Variants in FAM110B observed in about 807,000 individuals in gnomAD.
FAM110B encodes the protein protein FAM110B.
In FAM110B, 6 loss-of-function variants were observed where a neutral mutation model predicts 20.4. That is an observed-to-expected ratio of 0.29 (90% CI 0.16 to 0.58). FAM110B has a LOEUF of 0.58. Ranked by LOEUF, FAM110B falls within the 20% of genes least tolerant of loss-of-function variation. The probability of loss-of-function intolerance (pLI) is 0.90; values close to 1 mark genes in which losing one functional copy is unlikely to be tolerated. For missense variants in FAM110B, 434 were observed against 498.2 expected (o/e 0.87, Z 1.23); for synonymous variants, 226 against 214.1 (o/e 1.06, Z -0.49).
intron 2 of FAM110B, chr8:58,070,472 C>G (rs1805871742): frequency 6.6e-6 from 1 of 152,206 alleles, no homozygotes; most frequent in Non-Finnish European, 1.5e-5. Flanking sequence ...TTAATCTGAT[C>G]TTGCTTTGTT....
chr8:58,064,115 A>G (rs1805714036), intron 2 of FAM110B, among the ~76,000 whole-genome samples: 2 of 152,194 alleles, frequency 1.3e-5, no homozygotes, highest in South Asian at 4.1e-4. Flanking sequence ...CTCACTGTAC[A>G]GTACCAAGGG....
chr8:58,042,285 G>A (rs1805237596), intron 2 of FAM110B, among the ~76,000 whole-genome samples: 1 of 152,228 alleles, frequency 6.6e-6, no homozygotes, highest in Non-Finnish European at 1.5e-5. Context: ...TTATTAAGCT[G>A]TTGAGTTACA....
rs1403876382 is a variant in FAM110B, at chr8:58,099,354, TA to T, written c.-325+23742del. ...AGTATAATGAAACTATTCCAAAATT[TA>T]AAAAAAAAAATCAAAATCCAAAACA... On this transcript the variant is annotated intron_variant, in intron 3 of 3. Coordinates refer to ENST00000519262, the MANE Select transcript of FAM110B (RefSeq NM_001377989.1). Among the ~76,000 whole-genome samples, 159 of 147,756 alleles carry T rather than the reference TA, an allele frequency of 1.1e-3. 2 individuals are homozygous for T. The highest frequency in any genetic ancestry group is 4.5e-3 in the South Asian group (21 of 4,688).
intron 2 of FAM110B, among the ~76,000 whole-genome samples, chr8:58,042,021 T>G (rs961694138): frequency 6.6e-6 from 1 of 152,246 alleles, no homozygotes; most frequent in African/African-American, 2.4e-5. Flanking sequence ...CAAACCTGTT[T>G]CCTCCTGTTT....
intron 3 of FAM110B, among the ~76,000 whole-genome samples, chr8:58,078,717 A>G (rs989776132): frequency 6.6e-6 from 1 of 150,732 alleles, no homozygotes; most frequent in Non-Finnish European, 1.5e-5. Context: ...CGCCCGGCTA[A>G]TTTTTTGTAT....
chr8:58,121,450 C>T (rs545728537), intron 3 of FAM110B, among the ~76,000 whole-genome samples: 2 of 152,158 alleles, frequency 1.3e-5, no homozygotes, highest in Non-Finnish European at 2.9e-5. Context: ...TTACTCTGTA[C>T]TGTACGGAAA....
At chr8:58,031,313 G>T (rs1198635837) in intron 1 of FAM110B, 1 of 152,196 alleles carries the variant, frequency 6.6e-6, no homozygotes, top group Non-Finnish European at 1.5e-5. Flanking sequence ...GGGATGTTGA[G>T]TATGAAGCAG....
chr8:58,104,889 A>G lies in FAM110B; in HGVS notation c.-325+29266A>G, dbSNP rs977513204. On this transcript the variant is annotated intron_variant, in intron 3 of 3. Coordinates refer to ENST00000519262, the MANE Select transcript of FAM110B (RefSeq NM_001377989.1). ...AATAAATGTTGAATTTTAACTGAGTAACTTTGCATCAGCCACATCGTATTA... is the reference window on the plus strand; with the variant it reads ...AATAAATGTTGAATTTTAACTGAGTGACTTTGCATCAGCCACATCGTATTA... Among the ~76,000 whole-genome samples the G allele has an allele frequency of 1.3e-5, 2 of 152,034 alleles. 1 individual carries two copies. The highest frequency in any genetic ancestry group is 2.9e-5 in the Non-Finnish European group (2 of 68,020).
chr8:58,091,387 C>G (rs57599317), intron 3 of FAM110B: 1 of 152,110 alleles, frequency 6.6e-6, no homozygotes, highest in Non-Finnish European at 1.5e-5. Flanking sequence ...TGGTCATCAC[C>G]AGGACATTTA....
intron 2 of FAM110B, among the ~76,000 whole-genome samples, chr8:58,046,247 CAATTA>C (rs1297652125): frequency 6.6e-6 from 1 of 152,076 alleles, no homozygotes; most frequent in Non-Finnish European, 1.5e-5. Context: ...ATATTTTATG[CAATTA>C]AATTGTCAAA....
intron 3 of FAM110B, among the ~76,000 whole-genome samples, chr8:58,088,075 C>T (rs757433777): frequency 1.9e-4 from 29 of 151,862 alleles, no homozygotes; most frequent in Non-Finnish European, 4.1e-4. Context: ...TAAGAGGGGC[C>T]CAGTAAATGT....
Position 58,104,752 on chromosome 8 carries a change from T to G in FAM110B, c.-325+29129T>G, listed in dbSNP as rs529458502. 2.0e-5 allele frequency among the ~76,000 whole-genome samples: 3 copies of G among 152,304 alleles called. No homozygotes were observed. The East Asian group carries it at 5.8e-4, about 29-fold the overall frequency. On this transcript the variant is annotated intron_variant, in intron 3 of 3. Coordinates refer to ENST00000519262, the MANE Select transcript of FAM110B (RefSeq NM_001377989.1). ...ACAACCAATCAGAATACAGGTACATTGCTTCAAGTACTATTTCAAAAAGTT... is the reference window on the plus strand; with the variant it reads ...ACAACCAATCAGAATACAGGTACATGGCTTCAAGTACTATTTCAAAAAGTT...
At position 58,116,715 on chromosome 8, in the gene FAM110B, TTGAATGTGTCA is replaced by T. The variant is rs1448215320; in HGVS notation, c.-324-29188_-324-29178del. Among the ~76,000 whole-genome samples, 33 of 152,336 alleles carry T rather than the reference TTGAATGTGTCA, an allele frequency of 2.2e-4. No homozygotes were observed. In the East Asian group the frequency reaches 4.0e-3, roughly 19 times the overall value. ...TCCTATTTCTCCCAGGCACTGAAAC[TTGAATGTGTCA>T]TGATAGTAAACCAAGAGATTATAAA... On this transcript the variant is annotated intron_variant, in intron 3 of 3. Transcript: ENST00000519262.
At chr8:58,008,137 T>TC (rs1367777412) in intron 1 of FAM110B, among the ~76,000 whole-genome samples, 2 of 150,296 alleles carry the variant, frequency 1.3e-5, no homozygotes, top group African/African-American at 4.9e-5. Context: ...TTTTTTTTTT[T>TC]TTTTTTTTTT....
At chr8:58,014,619 A>G (rs1308956852) in intron 1 of FAM110B, among the ~76,000 whole-genome samples, 3 of 152,218 alleles carry the variant, frequency 2.0e-5, no homozygotes, top group Non-Finnish European at 4.4e-5. Flanking sequence ...CTCATTGAGA[A>G]TCTTCAGTGC....
chr8:58,136,888 G>C (rs1358099254), intron 3 of FAM110B, among the ~76,000 whole-genome samples: 4 of 152,176 alleles, frequency 2.6e-5, no homozygotes, highest in African/African-American at 7.2e-5. Context: ...TTCTCTAAAT[G>C]ACCTTGGAGA....
rs1408371385 is a variant in FAM110B, at chr8:58,127,094, G to T, written c.-324-18813G>T. ...ATAAGGTATGAGATAAAAGGTATGAGGTCAACGTTTATATTTTTGCCTGTG... is the reference window on the plus strand; with the variant it reads ...ATAAGGTATGAGATAAAAGGTATGATGTCAACGTTTATATTTTTGCCTGTG... On this transcript the variant is annotated intron_variant, in intron 3 of 3. Coordinates refer to ENST00000519262, the MANE Select transcript of FAM110B (RefSeq NM_001377989.1). Among the ~76,000 whole-genome samples, 7 of 152,176 alleles carry T rather than the reference G, an allele frequency of 4.6e-5. No homozygotes were observed. The East Asian group carries it at 1.3e-3, about 29-fold the overall frequency.
At chr8:58,095,907 A>G (rs1172450924) in intron 3 of FAM110B, among the ~76,000 whole-genome samples, 1 of 152,132 alleles carries the variant, frequency 6.6e-6, no homozygotes, top group Non-Finnish European at 1.5e-5. Flanking sequence ...GACTTGCTTT[A>G]TGAATCTGGA....
In FAM110B at chr8:58,129,499, T is replaced by C. The variant is rs560062774; in HGVS notation, c.-324-16408T>C. On this transcript the variant is annotated intron_variant, in intron 3 of 3. Transcript: ENST00000519262. ...CAGCCACCCCCTTCGGGGCCCCTGT[T>C]GGTAGTATTTTAGCCCAATAAATGG... is the stretch of plus-strand genomic sequence containing the variant. Among the ~76,000 whole-genome samples, 3 of 152,308 alleles carry C rather than the reference T, an allele frequency of 2.0e-5. No homozygotes were observed. In the East Asian group the frequency reaches 5.8e-4, roughly 29 times the overall value.
Sources: allele counts gnomAD v4.1 joint callset (sites outside exome capture counted in the v4.1 genomes callset), GRCh38; gene constraint gnomAD v4.1.1; transcripts MANE v1.5; gene names NCBI Gene and HGNC (gene_info 2026-07-23, HGNC 2026-07-21).